The following ANO3 variants were observed in gnomAD, a reference collection of about 807,000 sequenced individuals.
ANO3 encodes anoctamin-3.
In ANO3, 99 loss-of-function variants were observed where a neutral mutation model predicts 144.8. The ratio of observed to expected loss-of-function variants is 0.68; its 90% CI spans 0.58 to 0.81. ANO3 has a LOEUF of 0.81. Ranked by LOEUF, ANO3 falls within the 30% of genes least tolerant of loss-of-function variation. ANO3 has a pLI of 0.00. For missense variants in ANO3, 905 were observed against 1,202.2 expected (o/e 0.75, Z 3.66); for synonymous variants, 414 against 392.6 (o/e 1.05, Z -0.64).
intron 1 of ANO3, among the ~76,000 whole-genome samples, chr11:26,351,186 C>T (rs1413748288): frequency 6.6e-6 from 1 of 152,040 alleles, no homozygotes; most frequent in African/African-American, 2.4e-5. Context: ...ACTGATAATG[C>T]TGCTTAAGAT....
chr11:26,663,203 C>G lies in ANO3; in HGVS notation c.*2759C>G, dbSNP rs1401846415. 2 of 152,026 alleles carry G rather than the reference C, an allele frequency of 1.3e-5. No homozygotes were observed. The highest frequency in any genetic ancestry group is 2.9e-5 in the Non-Finnish European group (2 of 67,978). 9.4% of individuals were successfully genotyped at this position (152,026 alleles called of 1,614,324 possible). On this transcript the variant is annotated 3_prime_UTR_variant, in exon 27 of 27. Transcript: ENST00000256737. ...ATACAACTTCTGAATGCTGCACATT[C>G]TTCCAAAATGATCCTTAGCACAATC... is the stretch of plus-strand genomic sequence containing the variant.
At chr11:26,631,978 A>G (rs1852796083) in intron 18 of ANO3, among the ~76,000 whole-genome samples, 1 of 152,020 alleles carries the variant, frequency 6.6e-6, no homozygotes, top group Admixed American at 6.6e-5. Context: ...TCAGGAGTTC[A>G]AAACCAGCCT....
In ANO3 at chr11:26,439,614, GTA is replaced by G. The variant is rs547855207; in HGVS notation, c.47-2300_47-2299del. On this transcript the variant is annotated intron_variant, in intron 1 of 26. Coordinates refer to ENST00000256737, the MANE Select transcript of ANO3 (RefSeq NM_031418.4). ...TATACTTAAAGGAATCGATTTTATG[GTA>G]TATGATTATATATCAATAAAGCCTT... Among the ~76,000 whole-genome samples the G allele has an allele frequency of 1.4e-3, 208 of 152,304 alleles. 1 individual carries two copies. Among genetic ancestry groups the G allele is most frequent in the Non-Finnish European group, 2.6e-4 (18 of 68,032 alleles).
chr11:26,420,257 G>GA (rs1156348766), intron 1 of ANO3, among the ~76,000 whole-genome samples: 5 of 151,772 alleles, frequency 3.3e-5, no homozygotes, highest in South Asian at 2.1e-4. Flanking sequence ...ACAGTATATG[G>GA]AAAAAAAATT....
chr11:26,254,073 T>C (rs781746784), intron 1 of ANO3, among the ~76,000 whole-genome samples: 2 of 152,206 alleles, frequency 1.3e-5, no homozygotes, highest in Non-Finnish European at 2.9e-5. Flanking sequence ...TGTTTTACAA[T>C]ATGAATTCAG....
intron 1 of ANO3, among the ~76,000 whole-genome samples, chr11:26,253,235 AACTCATGTCCTTTGCAGGG>A (rs1471686210): frequency 6.6e-6 from 1 of 152,216 alleles, no homozygotes; most frequent in Admixed American, 6.5e-5. Context: ...GAAAAGAATG[AACTCATGTCCTTTGCAGGG>A]ACATGGATGG....
chr11:26,245,525 T>C (rs956785709), intron 1 of ANO3, among the ~76,000 whole-genome samples: 2 of 152,220 alleles, frequency 1.3e-5, no homozygotes, highest in African/African-American at 4.8e-5. Flanking sequence ...TCCCTGATTT[T>C]GTTATTATCA....
At chr11:26,398,742 T>C (rs569913314) in intron 1 of ANO3, among the ~76,000 whole-genome samples, 26 of 152,008 alleles carry the variant, frequency 1.7e-4, no homozygotes, top group Non-Finnish European at 2.8e-4. Context: ...GCAGAAAGTG[T>C]TCCGTAAAAA....
Position 26,639,177 on chromosome 11 carries a change from C to A in ANO3, c.2077C>A (p.Leu693Ile). ...HPSGCLIDLC[L>I]QMGVIMFLKQ... ...TAGTGGCTGTTTGATAGACCTCTGC[C>A]TCCAGATGGGTGTCATCATGTTTTT... is the stretch of plus-strand genomic sequence containing the variant. Residue 693 changes from leucine to isoleucine, a missense_variant, in exon 21 of 27, where the codon CTC becomes ATC. Coordinates refer to ENST00000256737, the MANE Select transcript of ANO3 (RefSeq NM_031418.4). 1 of 1,613,440 alleles carries A rather than the reference C, an allele frequency of 6.2e-7. No individual in the cohort carries two copies. Among genetic ancestry groups the A allele is most frequent in the Non-Finnish European group, 8.5e-7 (1 of 1,179,524 alleles).
chr11:26,584,681 A>T (rs1851228716), intron 14 of ANO3, among the ~76,000 whole-genome samples: 1 of 152,234 alleles, frequency 6.6e-6, no homozygotes, highest in Admixed American at 6.5e-5. Context: ...GTGATAAAAA[A>T]GTGCTGAAGA....
chr11:26,480,315 G>T (rs944885060), intron 4 of ANO3, among the ~76,000 whole-genome samples: 1 of 152,084 alleles, frequency 6.6e-6, no homozygotes, highest in African/African-American at 2.4e-5. Flanking sequence ...CAGTTCACTG[G>T]TCTTCCATGT....
At chr11:26,263,798 T>C (rs1853248437) in intron 1 of ANO3, among the ~76,000 whole-genome samples, 1 of 152,162 alleles carries the variant, frequency 6.6e-6, no homozygotes, top group Non-Finnish European at 1.5e-5. Flanking sequence ...GGAAACTCTG[T>C]GGAAATTGAA....
intron 1 of ANO3, among the ~76,000 whole-genome samples, chr11:26,193,929 C>T (rs112273213): frequency 1.3e-5 from 2 of 152,256 alleles, no homozygotes; most frequent in African/African-American, 4.8e-5. Context: ...ATTGAGTTTG[C>T]TCTGCTACTA....
chr11:26,326,202 A>C (rs1432511873), intron 1 of ANO3, among the ~76,000 whole-genome samples: 1 of 152,162 alleles, frequency 6.6e-6, no homozygotes, highest in African/African-American at 2.4e-5. Flanking sequence ...TGATGGTTAG[A>C]ATGACCACAT....
intron 4 of ANO3, among the ~76,000 whole-genome samples, chr11:26,492,222 G>A (rs1019671741): frequency 6.6e-6 from 1 of 152,234 alleles, no homozygotes; most frequent in Non-Finnish European, 1.5e-5. Flanking sequence ...GAGTCAGCGA[G>A]CTGAGCTCTA....
chr11:26,298,885 T>C (rs1016565778), intron 1 of ANO3, among the ~76,000 whole-genome samples: 2 of 152,134 alleles, frequency 1.3e-5, no homozygotes, highest in East Asian at 1.9e-4. Context: ...AATGACTGAA[T>C]ACAGTCTGGG....
At chr11:26,296,582 G>C (rs765463751) in intron 1 of ANO3, among the ~76,000 whole-genome samples, 2 of 152,074 alleles carry the variant, frequency 1.3e-5, no homozygotes, top group Non-Finnish European at 2.9e-5. Flanking sequence ...ACTGAGGTTA[G>C]GGGTTAGGAA....
intron 5 of ANO3, among the ~76,000 whole-genome samples, chr11:26,513,781 A>C (rs374378404): frequency 6.6e-6 from 1 of 152,156 alleles, no homozygotes; most frequent in East Asian, 1.9e-4. Flanking sequence ...TCTCAAGGTC[A>C]TGGCTACTCA....
intron 1 of ANO3, among the ~76,000 whole-genome samples, chr11:26,231,126 C>G (rs1852388527): frequency 6.6e-6 from 1 of 152,130 alleles, no homozygotes; most frequent in African/African-American, 2.4e-5. Flanking sequence ...ATCCACCCGC[C>G]TTGGCCTCCC....
Sources: allele counts gnomAD v4.1 joint callset (sites outside exome capture counted in the v4.1 genomes callset), GRCh38; gene constraint gnomAD v4.1.1; transcripts MANE v1.5; gene names NCBI Gene and HGNC (gene_info 2026-07-23, HGNC 2026-07-21).